KCNQ5: variants seen among roughly 807,000 people sequenced by gnomAD.
KCNQ5 encodes the protein potassium voltage-gated channel subfamily KQT member 5.
Under a neutral mutation model 98.2 loss-of-function variants are expected in KCNQ5, and 30 were observed. The ratio of observed to expected loss-of-function variants is 0.31; its 90% CI spans 0.23 to 0.41. The LOEUF is 0.41. Ranked by LOEUF, KCNQ5 falls within the 10% of genes least tolerant of loss-of-function variation. KCNQ5 has a pLI of 1.00. For synonymous variants in KCNQ5, 458 were observed against 449.4 expected (o/e 1.02, Z -0.24); for missense variants, 835 against 1,182.5 (o/e 0.71, Z 4.31).
At chr6:72,901,840 G>T (rs1327367495) in intron 1 of KCNQ5, among the ~76,000 whole-genome samples, 1 of 151,906 alleles carries the variant, frequency 6.6e-6, no homozygotes, top group East Asian at 1.9e-4. Flanking sequence ...GCTCTTTTCT[G>T]GTTCCATATG....
Position 72,789,540 on chromosome 6 carries a change from CTT to C in KCNQ5, c.398+166954_398+166955del, listed in dbSNP as rs534144570. On this transcript the variant is annotated intron_variant, in intron 1 of 13. Transcript: ENST00000370398. ...TATTTTTCAGTTAATTTAAATATAA[CTT>C]ATATAGAGAAAGGAAATATAACTTG... Among the ~76,000 whole-genome samples, 135 of 152,098 alleles carry C rather than the reference CTT, an allele frequency of 8.9e-4. 1 individual carries two copies. The highest frequency in any genetic ancestry group is 3.1e-3 in the African/African-American group (128 of 41,488).
intron 1 of KCNQ5, among the ~76,000 whole-genome samples, chr6:72,838,949 CAAAAAAAAAAA>C (rs67894922): frequency 5.1e-5 from 3 of 58,722 alleles, no homozygotes; most frequent in East Asian, 1.1e-3. Flanking sequence ...GACTCCGTCT[CAAAAAAAAAAA>C]AAAAAAAAAA....
chr6:72,907,425 A>AAT (rs1779746682), intron 1 of KCNQ5, among the ~76,000 whole-genome samples: 1 of 152,170 alleles, frequency 6.6e-6, no homozygotes, highest in Non-Finnish European at 1.5e-5. Context: ...AACTAGCTCC[A>AAT]ATATATATGG....
chr6:72,997,862 T>A (rs1016626181), intron 1 of KCNQ5, among the ~76,000 whole-genome samples: 1 of 151,552 alleles, frequency 6.6e-6, no homozygotes, highest in African/African-American at 2.4e-5. Flanking sequence ...TTTGTTAATA[T>A]TTAAGGTTCA....
At chr6:72,783,511 T>C (rs1773587047) in intron 1 of KCNQ5, among the ~76,000 whole-genome samples, 1 of 152,238 alleles carries the variant, frequency 6.6e-6, no homozygotes, top group Non-Finnish European at 1.5e-5. Context: ...TACCTGTCAG[T>C]GGGATGTGTC....
intron 1 of KCNQ5, among the ~76,000 whole-genome samples, chr6:72,630,168 A>T (rs1392264911): frequency 1.3e-5 from 2 of 152,238 alleles, no homozygotes; most frequent in Non-Finnish European, 2.9e-5. Flanking sequence ...AAAAGTAAAA[A>T]ACACTTGAAT....
chr6:73,113,739 G>A (rs761719099), intron 7 of KCNQ5, among the ~76,000 whole-genome samples: 12 of 152,246 alleles, frequency 7.9e-5, no homozygotes, highest in South Asian at 2.1e-4. Context: ...TATGTCTACA[G>A]TCAAAATGAG....
chr6:73,114,529 G>A (rs1775402027), intron 7 of KCNQ5, among the ~76,000 whole-genome samples: 2 of 152,138 alleles, frequency 1.3e-5, no homozygotes, highest in African/African-American at 4.8e-5. Flanking sequence ...GAGCAGTCTG[G>A]AAAAAGAAAT....
At chr6:72,957,695 C>T (rs1448763874) in intron 1 of KCNQ5, among the ~76,000 whole-genome samples, 1 of 152,098 alleles carries the variant, frequency 6.6e-6, no homozygotes, top group East Asian at 1.9e-4. Context: ...TTTTTAAATG[C>T]CTCCGTTCCA....
At chr6:72,632,751 G>A (rs569018589) in intron 1 of KCNQ5, among the ~76,000 whole-genome samples, 2 of 152,100 alleles carry the variant, frequency 1.3e-5, no homozygotes, top group South Asian at 2.1e-4. Context: ...TGCGGCAAAG[G>A]ACATGATTTC....
intron 10 of KCNQ5, chr6:73,136,659 C>T (rs945033161): frequency 2.6e-5 from 4 of 152,180 alleles, no homozygotes; most frequent in Admixed American, 6.5e-5. Context: ...CTCCTGCCTC[C>T]TCATTTAATC....
chr6:72,932,091 T>G (rs1385517404), intron 1 of KCNQ5, among the ~76,000 whole-genome samples: 1 of 152,140 alleles, frequency 6.6e-6, no homozygotes, highest in Non-Finnish European at 1.5e-5. Flanking sequence ...CAGATTGCCC[T>G]AAAGCCCATC....
rs141098187 is a variant in KCNQ5, at chr6:73,113,447, C to T, written c.1125+2044C>T. ...CAATTGTGATGATACAAAGCTGTGC[C>T]GCTCAATACAGTAACCACTAGCTAC... On this transcript the variant is annotated intron_variant, in intron 7 of 13. Coordinates refer to ENST00000370398, the MANE Select transcript of KCNQ5 (RefSeq NM_019842.4). Among the ~76,000 whole-genome samples, 60 of 152,282 alleles carry T rather than the reference C, an allele frequency of 3.9e-4. 3 individuals carry two copies. In the East Asian group the frequency reaches 9.3e-3, roughly 24 times the overall value.
intron 1 of KCNQ5, among the ~76,000 whole-genome samples, chr6:72,748,515 A>T (rs1450139801): frequency 6.6e-6 from 1 of 152,128 alleles, no homozygotes; most frequent in Non-Finnish European, 1.5e-5. Context: ...ACCACAGATG[A>T]CTTTCAATTC....
rs532097611 is a variant in KCNQ5 at position 72,685,980 on chromosome 6, G to A, written c.398+63393G>A. ...GCTTGCAGATAGTTGCCACCTAGCCGCGTGATCATGTGACCTCTTCTTTGT... is the reference window on the plus strand; with the variant it reads ...GCTTGCAGATAGTTGCCACCTAGCCACGTGATCATGTGACCTCTTCTTTGT... On this transcript the variant is annotated intron_variant, in intron 1 of 13. Coordinates refer to ENST00000370398, the MANE Select transcript of KCNQ5 (RefSeq NM_019842.4). 5.6e-4 allele frequency among the ~76,000 whole-genome samples: 86 copies of A among 152,288 alleles called. 2 individuals are homozygous for A. In the South Asian group the frequency reaches 0.016, roughly 28 times the overall value.
chr6:73,061,973 A>C (rs1346592151), intron 3 of KCNQ5, among the ~76,000 whole-genome samples: 1 of 152,150 alleles, frequency 6.6e-6, no homozygotes, highest in Non-Finnish European at 1.5e-5. Context: ...AAATATCTTC[A>C]ATAAGGCATT....
chr6:72,623,595 G>T (rs865911122), intron 1 of KCNQ5, among the ~76,000 whole-genome samples: 6 of 152,140 alleles, frequency 3.9e-5, no homozygotes, highest in Middle Eastern at 6.8e-3. Flanking sequence ...GTTTATCTGG[G>T]CATTTTAAGG....
At chr6:72,673,341 T>C (rs187156835) in intron 1 of KCNQ5, among the ~76,000 whole-genome samples, 2 of 152,194 alleles carry the variant, frequency 1.3e-5, no homozygotes, top group East Asian at 1.9e-4. Context: ...AAATATATAA[T>C]GCATCAAGTG....
chr6:72,693,250 C>T (rs972972427), intron 1 of KCNQ5, among the ~76,000 whole-genome samples: 18 of 151,760 alleles, frequency 1.2e-4, no homozygotes, highest in African/African-American at 4.1e-4. Context: ...AACGTGCACA[C>T]GAGACTTGGA....
Sources: allele counts gnomAD v4.1 joint callset (sites outside exome capture counted in the v4.1 genomes callset), GRCh38; gene constraint gnomAD v4.1.1; transcripts MANE v1.5; gene names NCBI Gene and HGNC (gene_info 2026-07-23, HGNC 2026-07-21).